The following AUTS2 variants were observed in gnomAD, a reference collection of about 807,000 sequenced individuals.
AUTS2 encodes activator of transcription and developmental regulator AUTS2.
In AUTS2, 17 loss-of-function variants were observed where a neutral mutation model predicts 112.4. The observed-to-expected ratio is 0.15, with a 90% CI of 0.10 to 0.23. The LOEUF (loss-of-function observed/expected upper bound fraction) is 0.23. Among genes scored for constraint, AUTS2 ranks in the 10% least tolerant of loss-of-function variants. AUTS2 has a pLI of 1.00. For synonymous variants in AUTS2, 751 were observed against 702.7 expected (o/e 1.07, Z -1.09); for missense variants, 1,510 against 1,701.6 (o/e 0.89, Z 1.98).
Position 69,940,939 on chromosome 7 carries a change from C to G in AUTS2, c.522+41441C>G, listed in dbSNP as rs575318619. 7.4e-4 allele frequency among the ~76,000 whole-genome samples: 113 copies of G among 152,302 alleles called. 3 individuals carry two copies. The highest frequency in any genetic ancestry group is 2.5e-3 in the African/African-American group (103 of 41,574). On this transcript the variant is annotated intron_variant, in intron 2 of 18. Coordinates refer to ENST00000342771, the MANE Select transcript of AUTS2 (RefSeq NM_015570.4). ...CAATGTAACCAGACTGGAACATGAA[C>G]AAATTATCTGCAGTGGAGCTTATTT...
chr7:69,915,874 A>C (rs1415968745), intron 2 of AUTS2, among the ~76,000 whole-genome samples: 2 of 152,116 alleles, frequency 1.3e-5, no homozygotes, highest in East Asian at 3.9e-4. Context: ...CTACAGGCGC[A>C]CACCACCACA....
intron 1 of AUTS2, among the ~76,000 whole-genome samples, chr7:69,636,595 T>G (rs1794552419): frequency 6.6e-6 from 1 of 150,994 alleles, no homozygotes; most frequent in Non-Finnish European, 1.5e-5. Context: ...AACCTAGTAT[T>G]TTTCTTTCTA....
chr7:69,915,953 A>C (rs1459955740), intron 2 of AUTS2, among the ~76,000 whole-genome samples: 1 of 152,196 alleles, frequency 6.6e-6, no homozygotes, highest in Non-Finnish European at 1.5e-5. Context: ...TCTTGAGCTC[A>C]AGCAATTCTC....
At chr7:70,062,894 A>G (rs770956306) in intron 2 of AUTS2, among the ~76,000 whole-genome samples, 17 of 152,204 alleles carry the variant, frequency 1.1e-4, no homozygotes, top group Non-Finnish European at 2.5e-4. Flanking sequence ...TCAAGTGGAT[A>G]CATTATCTTC....
At chr7:69,870,525 A>C (rs926269336) in intron 1 of AUTS2, among the ~76,000 whole-genome samples, 5 of 138,428 alleles carry the variant, frequency 3.6e-5, no homozygotes, top group African/African-American at 1.3e-4. Flanking sequence ...GGATGAAACA[A>C]AAAAAAAAAA....
chr7:70,381,462 A>G (rs538065234), intron 4 of AUTS2, among the ~76,000 whole-genome samples: 2 of 152,360 alleles, frequency 1.3e-5, no homozygotes, highest in African/African-American at 4.8e-5. Context: ...ATGAGAAAGT[A>G]CAACATTAAG....
At chr7:70,513,102 G>T (rs1799267301) in intron 5 of AUTS2, among the ~76,000 whole-genome samples, 1 of 152,240 alleles carries the variant, frequency 6.6e-6, no homozygotes, top group African/African-American at 2.4e-5. Context: ...ATAAATACAG[G>T]ATTAGGGAGC....
In AUTS2 at chr7:70,317,393, A is replaced by G. The variant is rs557976332; in HGVS notation, c.661-118359A>G. On this transcript the variant is annotated intron_variant, in intron 4 of 18. Coordinates refer to ENST00000342771, the MANE Select transcript of AUTS2 (RefSeq NM_015570.4). ...TTTCGTCCAACAATATTACAGGAAT[A>G]TTGTGTAGAAAATAATGACTAATAC... Among the ~76,000 whole-genome samples the G allele has an allele frequency of 2.6e-5, 4 of 152,304 alleles. No homozygotes were observed. In the East Asian group the frequency reaches 7.7e-4, roughly 29 times the overall value.
intron 4 of AUTS2, among the ~76,000 whole-genome samples, chr7:70,297,448 C>T (rs6976581): frequency 0.33 from 47,262 of 143,364 alleles, 8,027 homozygotes; most frequent in African/African-American, 0.45. Context: ...TTTTTTTTAT[C>T]GAGACAGAGT....
intron 4 of AUTS2, among the ~76,000 whole-genome samples, chr7:70,387,211 C>T (rs899171258): frequency 2.6e-5 from 4 of 152,180 alleles, no homozygotes; most frequent in Admixed American, 2.0e-4. Context: ...CCACTCACTC[C>T]CACTTCACTT....
chr7:69,893,785 G>A (rs1182597353), intron 1 of AUTS2, among the ~76,000 whole-genome samples: 1 of 152,128 alleles, frequency 6.6e-6, no homozygotes, highest in Non-Finnish European at 1.5e-5. Flanking sequence ...GGCTTCATCT[G>A]TAATCAGCAA....
At chr7:70,247,496 TA>T (rs1488003902) in intron 4 of AUTS2, among the ~76,000 whole-genome samples, 1 of 152,160 alleles carries the variant, frequency 6.6e-6, no homozygotes, top group African/African-American at 2.4e-5. Flanking sequence ...GCTACACACT[TA>T]ATGGTTAAAA....
At chr7:69,978,902 G>GCACACACGCACA (rs1020485037) in intron 2 of AUTS2, among the ~76,000 whole-genome samples, 1 of 75,300 alleles carries the variant, frequency 1.3e-5, no homozygotes. Context: ...ACACACACAC[G>GCACACACGCACA]CACACACGCA....
intron 5 of AUTS2, among the ~76,000 whole-genome samples, chr7:70,541,809 T>C (rs537012942): frequency 7.2e-4 from 109 of 152,260 alleles, no homozygotes; most frequent in Non-Finnish European, 1.1e-3. Context: ...CTAGGAAATG[T>C]GATATTGTGA....
intron 5 of AUTS2, among the ~76,000 whole-genome samples, chr7:70,678,887 TC>T (rs1441110950): frequency 6.6e-6 from 1 of 152,182 alleles, no homozygotes; most frequent in East Asian, 1.9e-4. Flanking sequence ...CTTTTTAAAT[TC>T]AAAGCTGTGG....
At chr7:70,571,724 G>T (rs1002894308) in intron 5 of AUTS2, among the ~76,000 whole-genome samples, 1 of 152,180 alleles carries the variant, frequency 6.6e-6, no homozygotes, top group Non-Finnish European at 1.5e-5. Flanking sequence ...GGAAATCTCA[G>T]CCCAGCTGCC....
At chr7:70,597,674 T>C (rs1454253021) in intron 5 of AUTS2, among the ~76,000 whole-genome samples, 1 of 152,244 alleles carries the variant, frequency 6.6e-6, no homozygotes, top group African/African-American at 2.4e-5. Context: ...GAGAAATCCC[T>C]GCTCAGAGGA....
chr7:70,117,212 T>A (rs575221312), intron 2 of AUTS2, among the ~76,000 whole-genome samples: 1 of 151,284 alleles, frequency 6.6e-6, no homozygotes, highest in Admixed American at 6.6e-5. Context: ...ACATTATTTG[T>A]TGAATAAGTG....
intron 4 of AUTS2, among the ~76,000 whole-genome samples, chr7:70,233,537 G>C (rs1812165455): frequency 6.6e-6 from 1 of 152,178 alleles, no homozygotes; most frequent in Non-Finnish European, 1.5e-5. Context: ...CTCCAGGTCT[G>C]CTGCGTTTAG....
Sources: allele counts gnomAD v4.1 joint callset (sites outside exome capture counted in the v4.1 genomes callset), GRCh38; gene constraint gnomAD v4.1.1; transcripts MANE v1.5; gene names NCBI Gene and HGNC (gene_info 2026-07-23, HGNC 2026-07-21).